Variants in EFCAB6 observed in about 807,000 individuals in gnomAD.
The protein encoded by EFCAB6 is EF-hand calcium binding domain 6, also known as EF-hand calcium-binding domain-containing protein 6.
A neutral mutation model predicts 169.8 loss-of-function variants in EFCAB6; 156 were observed. The ratio of observed to expected loss-of-function variants is 0.92; its 90% CI spans 0.81 to 1.05. The LOEUF (loss-of-function observed/expected upper bound fraction) is 1.05. EFCAB6 is among the 50% of genes least tolerant of loss of function. The pLI is 0.00. For synonymous variants in EFCAB6, 698 were observed against 676.4 expected (o/e 1.03, Z -0.50); for missense variants, 1,800 against 1,829.1 (o/e 0.98, Z 0.29).
chr22:43,633,028 C>T (rs1051323089), intron 18 of EFCAB6, among the ~76,000 whole-genome samples: 2 of 152,178 alleles, frequency 1.3e-5, no homozygotes, highest in Non-Finnish European at 2.9e-5. Context: ...CTTCCAGCAA[C>T]GCTCAGGAGA....
At chr22:43,673,097 G>C (rs1043855348) in intron 13 of EFCAB6, among the ~76,000 whole-genome samples, 1 of 152,096 alleles carries the variant, frequency 6.6e-6, no homozygotes, top group Non-Finnish European at 1.5e-5. Flanking sequence ...CTTTCTGGAA[G>C]GTATTTTTGT....
At chr22:43,636,853 G>A (rs1447584399) in intron 17 of EFCAB6, among the ~76,000 whole-genome samples, 1 of 151,712 alleles carries the variant, frequency 6.6e-6, no homozygotes, top group African/African-American at 2.4e-5. Context: ...CTCGTGATCC[G>A]CCTGCCTCAG....
Position 43,626,495 on chromosome 22 carries a change from C to T in EFCAB6, c.2417G>A (p.Cys806Tyr), listed in dbSNP as rs374615151. 9.9e-6 allele frequency: 16 copies of T among 1,614,108 alleles called. No homozygotes were observed. The highest frequency in any genetic ancestry group is 6.7e-5 in the African/African-American group (5 of 74,930). ...ATCTGTTCTCCATGGTCTCTTCTCA[C>T]ACAAATTTTGAAATTCCCGAAAATT... The part of the protein sequence containing the change: ...TLNFREFQNL[C>Y]EKRPWRTDEA... The change falls in exon 20 of 32, where the codon TGT (cysteine) becomes TAT (tyrosine). Residue 806 changes from cysteine to tyrosine, a missense_variant. Cys to Tyr is a radical substitution (Grantham distance 194, BLOSUM62 -2). Transcript: ENST00000262726.
At chr22:43,731,990 C>G (rs905244334) in intron 7 of EFCAB6, among the ~76,000 whole-genome samples, 179 bp from the exon 8 acceptor site, 2 of 151,936 alleles carry the variant, frequency 1.3e-5, no homozygotes, top group African/African-American at 2.4e-5. Flanking sequence ...TTTAATGCAG[C>G]TACTTCGAGA....
At chr22:43,641,386 C>G (rs560222348) in intron 17 of EFCAB6, among the ~76,000 whole-genome samples, 2 of 152,226 alleles carry the variant, frequency 1.3e-5, no homozygotes, top group South Asian at 4.2e-4. Flanking sequence ...GAGGCTGAGG[C>G]GGGTGGATTG....
At chr22:43,641,466 A>G (rs1379584773) in intron 17 of EFCAB6, among the ~76,000 whole-genome samples, 1 of 151,984 alleles carries the variant, frequency 6.6e-6, no homozygotes, top group African/African-American at 2.4e-5. Context: ...AAATACATAA[A>G]TTAGCTGGGC....
intron 19 of EFCAB6, among the ~76,000 whole-genome samples, chr22:43,631,848 C>T (rs1003421045): frequency 6.6e-6 from 1 of 151,768 alleles, no homozygotes; most frequent in Non-Finnish European, 1.5e-5. Flanking sequence ...TCTTCTCCAC[C>T]AACATCCACC....
intron 2 of EFCAB6, among the ~76,000 whole-genome samples, chr22:43,783,278 G>A (rs912696064): frequency 1.3e-5 from 2 of 152,124 alleles, no homozygotes; most frequent in African/African-American, 4.8e-5. Flanking sequence ...AAGCTTCAAG[G>A]GAAAAGCTGG....
At chr22:43,695,929 C>T (rs1023997780) in intron 10 of EFCAB6, among the ~76,000 whole-genome samples, 1 of 151,952 alleles carries the variant, frequency 6.6e-6, no homozygotes, top group Non-Finnish European at 1.5e-5. Context: ...AGAATAGACA[C>T]CCCCAAAATA....
intron 17 of EFCAB6, among the ~76,000 whole-genome samples, chr22:43,657,341 C>T (rs145777186): frequency 1.9e-3 from 294 of 152,006 alleles, no homozygotes; most frequent in African/African-American, 6.9e-3. Context: ...ATCCACACCT[C>T]AGCATATTTC....
chr22:43,580,750 G>C, intron 24 of EFCAB6, 91 bp from the exon 25 acceptor site: 1 of 1,374,064 alleles, frequency 7.3e-7, no homozygotes, highest in Non-Finnish European at 1.0e-6. Flanking sequence ...ATTGGGCAAT[G>C]TGGGGAAAAT....
chr22:43,597,727 G>A (rs5764156), intron 23 of EFCAB6, among the ~76,000 whole-genome samples: 111,860 of 152,126 alleles, frequency 0.74, 41,257 homozygotes, highest in Admixed American at 0.8. Flanking sequence ...GAAATTCTAT[G>A]ATACTGCTGG....
chr22:43,747,580 C>T (rs2060610654), intron 6 of EFCAB6, among the ~76,000 whole-genome samples: 1 of 152,196 alleles, frequency 6.6e-6, no homozygotes, highest in Non-Finnish European at 1.5e-5. Context: ...TCAGTGCACA[C>T]TCAGCTGGGA....
chr22:43,567,370 T>TA (rs2049514387), intron 26 of EFCAB6, among the ~76,000 whole-genome samples: 1 of 152,196 alleles, frequency 6.6e-6, no homozygotes, highest in Non-Finnish European at 1.5e-5. Context: ...TTATAAAAAC[T>TA]ATTAAAATAA....
At chr22:43,801,179 A>G (rs1489087704) in intron 2 of EFCAB6, among the ~76,000 whole-genome samples, 1 of 152,224 alleles carries the variant, frequency 6.6e-6, no homozygotes, top group African/African-American at 2.4e-5. Context: ...ACAAATTTTC[A>G]AAGTTCTAAA....
intron 17 of EFCAB6, among the ~76,000 whole-genome samples, chr22:43,653,560 C>A (rs1031683566): frequency 6.6e-6 from 1 of 152,090 alleles, no homozygotes; most frequent in East Asian, 1.9e-4. Flanking sequence ...AGAAAAAAGA[C>A]AAACTGCAAA....
chr22:43,577,702 T>C (rs901991534), intron 25 of EFCAB6, among the ~76,000 whole-genome samples: 1 of 152,108 alleles, frequency 6.6e-6, no homozygotes, highest in African/African-American at 2.4e-5. Context: ...CACAGACAAC[T>C]GTGCCGCAGG....
intron 15 of EFCAB6, among the ~76,000 whole-genome samples, chr22:43,671,764 G>T (rs1359165075): frequency 6.6e-6 from 1 of 152,150 alleles, no homozygotes; most frequent in Non-Finnish European, 1.5e-5. Context: ...AATAATGTTA[G>T]CTACCTTACA....
At position 43,576,444 on chromosome 22, in the gene EFCAB6, A is replaced by C. The variant is rs752044520; in HGVS notation, c.3273T>G (p.Ala1091=). The change falls in exon 26 of 32, where the codon GCT becomes GCG. Residue 1091 remains alanine (A), a synonymous_variant. Coordinates refer to ENST00000262726, the MANE Select transcript of EFCAB6 (RefSeq NM_022785.4). ...CCTTAAGAACTTGTCCGAATTCTGT[A>C]GCCTTTACAAATCCTGTATCCTCTT... The part of the protein sequence containing the change: ...LDKEDTGFVK[A]TEFGQVLKDF... 4 of 1,593,904 alleles carry C rather than the reference A, an allele frequency of 2.5e-6. No individual in the cohort carries two copies. In the Admixed American group the frequency reaches 7.4e-5, roughly 29 times the overall value.
Sources: allele counts gnomAD v4.1 joint callset (sites outside exome capture counted in the v4.1 genomes callset), GRCh38; gene constraint gnomAD v4.1.1; transcripts MANE v1.5; gene names NCBI Gene and HGNC (gene_info 2026-07-23, HGNC 2026-07-21).